Variants in SLC27A5 observed in about 807,000 individuals in gnomAD.
The protein encoded by SLC27A5 is solute carrier family 27 member 5.
A neutral mutation model predicts 63.1 loss-of-function variants in SLC27A5; 47 were observed. That is an observed-to-expected ratio of 0.74 (90% CI 0.59 to 0.95). SLC27A5 has a LOEUF of 0.95. Among genes scored for constraint, SLC27A5 ranks in the 40% least tolerant of loss-of-function variants. SLC27A5 has a pLI of 0.00. For missense variants in SLC27A5, 940 were observed against 921.0 expected (o/e 1.02, Z -0.27); for synonymous variants, 391 against 403.8 (o/e 0.97, Z 0.38).
At position 58,500,370 on chromosome 19, in the gene SLC27A5, G is replaced by T; in HGVS notation, c.1437C>A (p.Asp479Glu). Residue 479 changes from aspartate (D) to glutamate (E), a missense_variant, in exon 6 of 10, where the codon GAC becomes GAA. Transcript: ENST00000263093. ...CTACAGGGATGCAGAAGCCCTGATTGTCCCTCACAGGCTCCGCCGCCTCCA... is the reference window on the plus strand; with the variant it reads ...CTACAGGGATGCAGAAGCCCTGATTTTCCCTCACAGGCTCCGCCGCCTCCA... Reference protein sequence around the residue: ...FDMEAAEPVRDNQGFCIPVGL... With the variant: ...FDMEAAEPVRENQGFCIPVGL... 4 of 1,613,572 alleles carry T rather than the reference G, an allele frequency of 2.5e-6. No homozygotes were observed. Among genetic ancestry groups the T allele is most frequent in the Non-Finnish European group, 3.4e-6 (4 of 1,179,976 alleles).
At chr19:58,509,597 C>A in intron 3 of SLC27A5, 3 of 387,208 alleles carry the variant, frequency 7.7e-6, no homozygotes, top group Non-Finnish European at 1.4e-5. Context: ...ACCACACCTT[C>A]CTTGGATGCC....
At position 58,498,895 on chromosome 19, in the gene SLC27A5, T is replaced by G; in HGVS notation, c.1786A>C (p.Met596Leu). Residue 596 changes from methionine to leucine, a missense_variant, in exon 9 of 10, where the codon ATG (methionine) becomes CTG (leucine). Transcript: ENST00000263093. ...CCGGGGGCTAGCTGCACAGCAGCCA[T>G]GCCCACCTTACCCTCACAACCTAGA... ...CVPGCEGKVG[M>L]AAVQLAPGQT... 6.2e-7 allele frequency: 1 copy of G among 1,613,174 alleles called. No individual in the cohort carries two copies. Among genetic ancestry groups the G allele is most frequent in the Non-Finnish European group, 8.5e-7 (1 of 1,179,990 alleles).
rs1311691154 is a variant in SLC27A5 at position 58,499,657 on chromosome 19, C to G, written c.1502G>C (p.Ser501Thr). The change falls in exon 7 of 10, where the codon AGC (serine) becomes ACC (threonine). Residue 501 changes from serine (S) to threonine (T), a missense_variant. Transcript: ENST00000263093. ...GCGGTAGCCCACGAAGGGTTGCTGG[C>G]TTACCACCTTGGTCAGCAGCAGCCC... is the stretch of plus-strand genomic sequence containing the variant. Reference protein sequence around the residue: ...EPGLLLTKVVSQQPFVGYRGP... With the variant: ...EPGLLLTKVVTQQPFVGYRGP... 6.8e-6 allele frequency: 11 copies of G among 1,612,270 alleles called. No individual in the cohort carries two copies. In the East Asian group the frequency reaches 2.2e-4, roughly 33 times the overall value.
chr19:58,498,581 G>T lies in SLC27A5; in HGVS notation c.2007C>A (p.Ala669=). 6.2e-7 allele frequency: 1 copy of T among 1,614,018 alleles called. No homozygotes were observed. Among genetic ancestry groups the T allele is most frequent in the Non-Finnish European group, 8.5e-7 (1 of 1,180,004 alleles). ...VDPLFVLDNR[A]QSFRPLTAEM... ...CTGCCGTCAGGGGCCGGAAGGACTG[G>T]GCCCGGTTGTCCAGTACAAACAGAG... is the stretch of plus-strand genomic sequence containing the variant. Residue 669 remains alanine (A), a synonymous_variant, in exon 10 of 10, where the codon GCC becomes GCA. Transcript: ENST00000263093.
At position 58,499,123 on chromosome 19, in the gene SLC27A5, C is replaced by T; in HGVS notation, c.1765G>A (p.Gly589Ser). 3.1e-6 allele frequency: 5 copies of T among 1,614,002 alleles called. No individual in the cohort carries two copies. Among genetic ancestry groups the T allele is most frequent in the Non-Finnish European group, 3.4e-6 (4 of 1,179,996 alleles). The change falls in exon 8 of 10, where the codon GGT (glycine) becomes AGT (serine). Residue 589 changes from glycine to serine, a missense_variant and splice_region_variant. Coordinates refer to ENST00000263093, the MANE Select transcript of SLC27A5 (RefSeq NM_012254.3). ...QVNVYGVCVP[G>S]CEGKVGMAAV... ...AGTTTAAAATGAGAACCCTCCGCAC[C>T]TGGCACGCACACGCCATACACGTTA...
intron 3 of SLC27A5, among the ~76,000 whole-genome samples, chr19:58,506,263 G>A (rs552180311): frequency 4.6e-5 from 7 of 152,140 alleles, no homozygotes; most frequent in East Asian, 3.9e-4. Context: ...CGCCAGGCGC[G>A]GTGGTTCACG....
chr19:58,500,983 G>GTTAC, intron 4 of SLC27A5: 1 of 1,318,644 alleles, frequency 7.6e-7, no homozygotes, highest in South Asian at 2.2e-5. Context: ...CCTAAGAGTA[G>GTTAC]TTACCTAGAA....
chr19:58,510,626 G>A, intron 2 of SLC27A5, 95 bp downstream of exon 2: 2 of 1,044,204 alleles, frequency 1.9e-6, no homozygotes, highest in Non-Finnish European at 2.7e-6. Context: ...AGGGTAAAGT[G>A]GTTTCAGAGG....
chr19:58,509,584 A>G, intron 3 of SLC27A5: 1 of 364,420 alleles, frequency 2.7e-6, no homozygotes. Flanking sequence ...TCATCTCCTG[A>G]GCACCACACC....
In SLC27A5 at chr19:58,511,823, G is replaced by A. The variant is rs752866559; in HGVS notation, c.133C>T (p.Leu45=). ...CGTGCTAACATGGCCAGCCCAAGTAGCACGCAACATGTGGGATCCCCCAGG... is the reference window on the plus strand; with the variant it reads ...CGTGCTAACATGGCCAGCCCAAGTAACACGCAACATGTGGGATCCCCCAGG... The part of the protein sequence containing the change: ...WLLGDPTCCV[L]LGLAMLARPW... The change falls in exon 1 of 10, where the codon CTA becomes TTA. Residue 45 remains leucine, a synonymous_variant. Coordinates refer to ENST00000263093, the MANE Select transcript of SLC27A5 (RefSeq NM_012254.3). The A allele has an allele frequency of 4.5e-6, 7 of 1,559,334 alleles. No homozygotes were observed. In the South Asian group the frequency reaches 8.3e-5, roughly 18 times the overall value.
In SLC27A5 at chr19:58,498,891, G is replaced by C; in HGVS notation, c.1790C>G (p.Ala597Gly). Residue 597 changes from alanine to glycine, a missense_variant, in exon 9 of 10, where the codon GCT becomes GGT. Physicochemically the swap from Ala to Gly is moderately conservative, Grantham distance 60 (BLOSUM62 0). Coordinates refer to ENST00000263093, the MANE Select transcript of SLC27A5 (RefSeq NM_012254.3). Reference protein sequence around the residue: ...VPGCEGKVGMAAVQLAPGQTF... With the variant: ...VPGCEGKVGMGAVQLAPGQTF... ...CTGGCCGGGGGCTAGCTGCACAGCA[G>C]CCATGCCCACCTTACCCTCACAACC... 1 of 1,613,276 alleles carries C rather than the reference G, an allele frequency of 6.2e-7. No individual in the cohort carries two copies. The highest frequency in any genetic ancestry group is 8.5e-7 in the Non-Finnish European group (1 of 1,180,020).
chr19:58,506,531 T>C (rs2053349136), intron 3 of SLC27A5, among the ~76,000 whole-genome samples: 1 of 152,164 alleles, frequency 6.6e-6, no homozygotes, highest in Non-Finnish European at 1.5e-5. Context: ...AGAGCGAGAC[T>C]GTGTCTCAAA....
chr19:58,499,429 T>G (rs1176465041), intron 7 of SLC27A5, 63 bp downstream of exon 7: 2 of 1,564,670 alleles, frequency 1.3e-6, no homozygotes, highest in East Asian at 2.2e-5. Context: ...CCTGACTCCC[T>G]CTAGGATCTG....
In SLC27A5 at chr19:58,511,262, C is replaced by T. The variant is rs1277781794; in HGVS notation, c.688+6G>A. 2.0e-6 allele frequency: 3 copies of T among 1,535,654 alleles called. No individual in the cohort carries two copies. Among genetic ancestry groups the T allele is most frequent in the Non-Finnish European group, 2.6e-6 (3 of 1,138,388 alleles). On this transcript the variant is annotated splice_donor_region_variant and intron_variant, in intron 1 of 9. Transcript: ENST00000263093. ...TTCCATTCTCCACTGGCTCCAAGGC[C>T]CTCACCTGGGTCCACCACCAGCACC...
At position 58,499,524 on chromosome 19, in the gene SLC27A5, G is replaced by A. The variant is rs1208461314; in HGVS notation, c.1635C>T (p.Leu545=). 8.1e-6 allele frequency: 13 copies of A among 1,613,102 alleles called. No individual in the cohort carries two copies. Among genetic ancestry groups the A allele is most frequent in the Non-Finnish European group, 1.1e-5 (13 of 1,180,016 alleles). ...DVLAMDREGF[L]YFRDRLGDTF... ...TGTCCCCGAGGCGGTCGCGGAAGTA[G>A]AGGAAGCCTTCGCGGTCCATGGCCA... The change falls in exon 7 of 10, where the codon CTC becomes CTT. Residue 545 remains leucine (L), a synonymous_variant. Transcript: ENST00000263093.
At position 58,511,390 on chromosome 19, in the gene SLC27A5, C is replaced by G. The variant is rs752316113; in HGVS notation, c.566G>C (p.Cys189Ser). 1 of 1,609,358 alleles carries G rather than the reference C, an allele frequency of 6.2e-7. No individual in the cohort carries two copies. Among genetic ancestry groups the G allele is most frequent in the Admixed American group, 1.7e-5 (1 of 59,620 alleles). Residue 189 changes from cysteine (C) to serine (S), a missense_variant, in exon 1 of 10, where the codon TGT becomes TCT. By Grantham distance (112) the Cys-to-Ser change is moderately radical. Coordinates refer to ENST00000263093, the MANE Select transcript of SLC27A5 (RefSeq NM_012254.3). ...CAGCTTGGCCAGCCCCAGCCACATA[C>G]ACAGGGCTGGAACGGCCTGGGAAGC... ...VLASQAVPAL[C>S]MWLGLAKLGC...
intron 3 of SLC27A5, among the ~76,000 whole-genome samples, chr19:58,501,673 ATT>A (rs952853931): frequency 2.0e-5 from 3 of 152,090 alleles, no homozygotes; most frequent in Admixed American, 6.6e-5. Flanking sequence ...TAAATATTAA[ATT>A]TTTTATTTTT....
chr19:58,503,642 G>A (rs1372598215), intron 3 of SLC27A5, among the ~76,000 whole-genome samples: 2 of 152,058 alleles, frequency 1.3e-5, no homozygotes, highest in East Asian at 3.8e-4. Context: ...CAGCCTGGGT[G>A]ACAGAGTGAG....
chr19:58,499,662 C>T lies in SLC27A5; in HGVS notation c.1497G>A (p.Val499=). 1.9e-6 allele frequency: 3 copies of T among 1,612,224 alleles called. No homozygotes were observed. Among genetic ancestry groups the T allele is most frequent in the Non-Finnish European group, 2.5e-6 (3 of 1,180,014 alleles). ...LGEPGLLLTK[V]VSQQPFVGYR... ...AGCCCACGAAGGGTTGCTGGCTTAC[C>T]ACCTTGGTCAGCAGCAGCCCCGGCT... is the stretch of plus-strand genomic sequence containing the variant. The change falls in exon 7 of 10, where the codon GTG becomes GTA. Residue 499 remains valine, a synonymous_variant. Coordinates refer to ENST00000263093, the MANE Select transcript of SLC27A5 (RefSeq NM_012254.3).
Sources: allele counts gnomAD v4.1 joint callset (sites outside exome capture counted in the v4.1 genomes callset), GRCh38; gene constraint gnomAD v4.1.1; transcripts MANE v1.5; gene names NCBI Gene and HGNC (gene_info 2026-07-23, HGNC 2026-07-21).